Variants in DMRT1 observed in about 807,000 individuals in gnomAD.
DMRT1 encodes doublesex and mab-3 related transcription factor 1, also known as doublesex- and mab-3-related transcription factor 1.
A neutral mutation model predicts 32.3 loss-of-function variants in DMRT1; 7 were observed. The ratio of observed to expected loss-of-function variants is 0.22; its 90% CI spans 0.12 to 0.41. The LOEUF is 0.41. Ranked by LOEUF, DMRT1 falls within the 10% of genes least tolerant of loss-of-function variation. The probability of loss-of-function intolerance (pLI) is 1.00; values close to 1 mark genes in which losing one functional copy is unlikely to be tolerated. For missense variants in DMRT1, 625 were observed against 500.5 expected (o/e 1.25, Z -2.37); for synonymous variants, 278 against 206.1 (o/e 1.35, Z -2.99).
At chr9:851,335 C>A (rs1198937352) in intron 2 of DMRT1, among the ~76,000 whole-genome samples, 1 of 152,042 alleles carries the variant, frequency 6.6e-6, no homozygotes, top group Non-Finnish European at 1.5e-5. Flanking sequence ...ACCTCCCGGG[C>A]TCAGACGATT....
At position 968,278 on chromosome 9, in the gene DMRT1, TC is replaced by T; in HGVS notation, c.*141del. Reference sequence around the variant, plus strand: ...TTGGTTTATATTCCTTAGAGTTTAGTCCAGAGGCTGTAACACATTTGTAATA... The same window carrying T: ...TTGGTTTATATTCCTTAGAGTTTAGTCAGAGGCTGTAACACATTTGTAATA... On this transcript the variant is annotated 3_prime_UTR_variant, in exon 5 of 5. Coordinates refer to ENST00000382276, the MANE Select transcript of DMRT1 (RefSeq NM_021951.3). 9.7e-7 allele frequency: 1 copy of T among 1,029,198 alleles called. No individual in the cohort carries two copies. The highest frequency in any genetic ancestry group is 1.4e-6 in the Non-Finnish European group (1 of 696,646). 63.8% of individuals were successfully genotyped at this position (1,029,198 alleles called of 1,614,324 possible).
chr9:927,102 AG>A (rs1818550927), intron 4 of DMRT1, among the ~76,000 whole-genome samples: 1 of 152,182 alleles, frequency 6.6e-6, no homozygotes, highest in South Asian at 2.1e-4. Flanking sequence ...GATTTTTTTC[AG>A]GGATGGCGTG....
intron 2 of DMRT1, among the ~76,000 whole-genome samples, chr9:877,516 C>G (rs1370198464): frequency 6.6e-6 from 1 of 152,160 alleles, no homozygotes; most frequent in African/African-American, 2.4e-5. Flanking sequence ...TTTGATGTAG[C>G]ACTAGATGTC....
chr9:963,289 T>C (rs1284617980), intron 4 of DMRT1, among the ~76,000 whole-genome samples: 4 of 152,204 alleles, frequency 2.6e-5, no homozygotes, highest in Non-Finnish European at 4.4e-5. Flanking sequence ...TCAAAACCGA[T>C]ACTCGATTTT....
At chr9:853,253 G>C (rs1815239709) in intron 2 of DMRT1, among the ~76,000 whole-genome samples, 1 of 151,944 alleles carries the variant, frequency 6.6e-6, no homozygotes, top group South Asian at 2.1e-4. Flanking sequence ...ATGCATCATT[G>C]TCATCCAGAG....
At chr9:865,050 A>T (rs1233080464) in intron 2 of DMRT1, among the ~76,000 whole-genome samples, 1 of 152,188 alleles carries the variant, frequency 6.6e-6, no homozygotes, top group Non-Finnish European at 1.5e-5. Context: ...TGGAATTAGA[A>T]TGCACGTTAC....
chr9:924,225 C>T (rs1818450189), intron 4 of DMRT1, among the ~76,000 whole-genome samples: 1 of 152,042 alleles, frequency 6.6e-6, no homozygotes, highest in Non-Finnish European at 1.5e-5. Flanking sequence ...GGGTGCACCA[C>T]CACACCCAGC....
At chr9:847,580 G>A (rs530017918) in intron 2 of DMRT1, among the ~76,000 whole-genome samples, 46 of 152,208 alleles carry the variant, frequency 3.0e-4, no homozygotes, top group Non-Finnish European at 6.0e-4. Flanking sequence ...AAGTAACACC[G>A]GAAGGAAGGC....
intron 2 of DMRT1, among the ~76,000 whole-genome samples, chr9:849,600 TAGGGGGGCAAGATAG>T (rs1349518730): frequency 6.6e-6 from 1 of 152,080 alleles, no homozygotes; most frequent in Non-Finnish European, 1.5e-5. Context: ...AAGGAAGCAG[TAGGGGGGCAAGATAG>T]AGGGTTCAGG....
chr9:874,550 T>A (rs1015975977), intron 2 of DMRT1, among the ~76,000 whole-genome samples: 30 of 152,180 alleles, frequency 2.0e-4, no homozygotes, highest in African/African-American at 6.5e-4. Flanking sequence ...TTCTTGTTAA[T>A]GATGGCAACT....
intron 3 of DMRT1, among the ~76,000 whole-genome samples, chr9:896,887 T>C (rs1462984403): frequency 6.6e-6 from 1 of 152,150 alleles, no homozygotes; most frequent in Admixed American, 6.5e-5. Context: ...TGACCCATTC[T>C]GTTCCATTTT....
At chr9:863,361 C>A (rs1013293975) in intron 2 of DMRT1, among the ~76,000 whole-genome samples, 4 of 150,428 alleles carry the variant, frequency 2.7e-5, no homozygotes, top group South Asian at 2.1e-4. Context: ...GTGGACAGAA[C>A]CTTTCCTGGC....
intron 2 of DMRT1, among the ~76,000 whole-genome samples, chr9:871,931 T>C (rs568404005): frequency 5.9e-5 from 9 of 151,654 alleles, no homozygotes; most frequent in Admixed American, 2.6e-4. Context: ...TTTCTTGTTA[T>C]ATTTTCTTCA....
chr9:967,878 ACTTT>A (rs1180685823), intron 4 of DMRT1, 103 bp from the exon 5 acceptor site: 2 of 1,048,832 alleles, frequency 1.9e-6, no homozygotes, highest in Admixed American at 3.9e-5. Context: ...GGAGAGCGTC[ACTTT>A]CTTTGTTGTA....
intron 4 of DMRT1, among the ~76,000 whole-genome samples, chr9:924,181 C>G (rs1032089504): frequency 1.3e-5 from 2 of 151,368 alleles, no homozygotes; most frequent in Non-Finnish European, 2.9e-5. Flanking sequence ...AAGCAATTCT[C>G]CTACCTCAGC....
chr9:906,835 A>G (rs1245784241), intron 3 of DMRT1, among the ~76,000 whole-genome samples: 1 of 152,242 alleles, frequency 6.6e-6, no homozygotes, highest in Non-Finnish European at 1.5e-5. Flanking sequence ...TTTAGTAGAG[A>G]GAAATCTCAG....
At chr9:856,105 C>A (rs189598453) in intron 2 of DMRT1, among the ~76,000 whole-genome samples, 2 of 151,478 alleles carry the variant, frequency 1.3e-5, no homozygotes, top group Non-Finnish European at 2.9e-5. Context: ...TTAGTAGAGA[C>A]GAGGTTTCAC....
rs1366793374 is a variant in DMRT1, at chr9:842,060, C to A, written c.222C>A (p.Pro74=). The A allele has an allele frequency of 4.8e-5, 74 of 1,545,024 alleles. No homozygotes were observed. The highest frequency in any genetic ancestry group is 3.6e-4 in the Middle Eastern group (2 of 5,504). ...GAGSKKSPRL[P]KCARCRNHGY... ...GGAGCAAGAAGTCCCCGCGGCTGCC[C>A]AAGTGCGCACGCTGCAGGAACCACG... The change falls in exon 1 of 5, where the codon CCC becomes CCA. Residue 74 remains proline (P), a synonymous_variant. Transcript: ENST00000382276.
rs544465650 is a variant in DMRT1 at position 873,884 on chromosome 9, A to C, written c.539-20028A>C. Among the ~76,000 whole-genome samples the C allele has an allele frequency of 2.0e-4, 31 of 152,300 alleles. No individual in the cohort carries two copies. In the South Asian group the frequency reaches 6.0e-3, roughly 30 times the overall value. ...AAAAAGAAAAGAAGAGAAAAAGTTC[A>C]CCTTCTAGTACTCCCCCCAAAATTC... On this transcript the variant is annotated intron_variant, in intron 2 of 4. Coordinates refer to ENST00000382276, the MANE Select transcript of DMRT1 (RefSeq NM_021951.3).
Sources: gnomAD v4.1 joint callset for allele counts (sites outside exome capture counted in the v4.1 genomes callset) on GRCh38, gnomAD v4.1.1 for gene constraint, MANE v1.5 for transcripts, NCBI Gene and HGNC (gene_info 2026-07-23, HGNC 2026-07-21) for gene names.